NAALADL2: variants seen among roughly 807,000 people sequenced by gnomAD.
NAALADL2 encodes N-acetylated alpha-linked acidic dipeptidase like 2, also known as inactive N-acetylated-alpha-linked acidic dipeptidase-like protein 2.
A neutral mutation model predicts 87.2 loss-of-function variants in NAALADL2; 76 were observed. The observed-to-expected ratio is 0.87, with a 90% confidence interval of 0.72 to 1.05. The LOEUF (loss-of-function observed/expected upper bound fraction) is 1.05, where lower values mean the gene tolerates loss of function less well. NAALADL2 is among the 50% of genes least tolerant of loss of function. The probability of loss-of-function intolerance (pLI) is 0.00; values close to 1 mark genes in which losing one functional copy is unlikely to be tolerated. For missense variants in NAALADL2, 1,089 were observed against 945.8 expected (o/e 1.15, Z -1.99); for synonymous variants, 354 against 331.0 (o/e 1.07, Z -0.75).
rs796328227 is a variant in NAALADL2, at chr3:175,700,479, G to A, written c.1897-36827G>A. 2.8e-3 allele frequency among the ~76,000 whole-genome samples: 427 copies of A among 152,244 alleles called. 2 individuals carry two copies. The highest frequency in any genetic ancestry group is 9.8e-3 in the African/African-American group (406 of 41,552). ...CAAAGCTGTTCTGACAAAGGTAACT[G>A]CCTTTTCTGAAATGGAAGAATCTGA... On this transcript the variant is annotated intron_variant, in intron 11 of 13. Transcript: ENST00000454872.
At chr3:175,336,675 G>A (rs776861102) in intron 5 of NAALADL2, among the ~76,000 whole-genome samples, 8 of 152,180 alleles carry the variant, frequency 5.3e-5, no homozygotes, top group Non-Finnish European at 7.3e-5. Flanking sequence ...AACAATTGAA[G>A]TTGTAATTAG....
chr3:175,789,123 TAAATTAACTG>T (rs1752472931), intron 13 of NAALADL2, among the ~76,000 whole-genome samples: 1 of 152,236 alleles, frequency 6.6e-6, no homozygotes, highest in South Asian at 2.1e-4. Flanking sequence ...CACTCGCATT[TAAATTAACTG>T]AAAACTCAAC....
chr3:174,806,350 G>A (rs1719487930), intron 3 of NAALADL2, among the ~76,000 whole-genome samples: 1 of 152,166 alleles, frequency 6.6e-6, no homozygotes, highest in Non-Finnish European at 1.5e-5. Flanking sequence ...GTCCTCAGTT[G>A]GGCCAAGAAG....
chr3:175,590,991 C>A (rs577290650), intron 10 of NAALADL2, among the ~76,000 whole-genome samples: 11 of 150,374 alleles, frequency 7.3e-5, no homozygotes, highest in African/African-American at 2.7e-4. Flanking sequence ...GCCACCCCTT[C>A]AAAATAGCTT....
chr3:175,795,323 GATTTA>G (rs1753324560), intron 13 of NAALADL2, among the ~76,000 whole-genome samples: 1 of 152,110 alleles, frequency 6.6e-6, no homozygotes, highest in African/African-American at 2.4e-5. Flanking sequence ...TGTTTGGCAT[GATTTA>G]CTAATGATAT....
chr3:175,364,130 A>G (rs1765311684), intron 5 of NAALADL2, among the ~76,000 whole-genome samples: 1 of 147,982 alleles, frequency 6.8e-6, no homozygotes, highest in South Asian at 2.2e-4. Flanking sequence ...AATAAAGAAA[A>G]GAGTGATAAA....
In NAALADL2 at chr3:175,351,694, C is replaced by T. The variant is rs189582251; in HGVS notation, c.1090+27369C>T. 4.0e-5 allele frequency among the ~76,000 whole-genome samples: 6 copies of T among 151,872 alleles called. No homozygotes were observed. In the South Asian group the frequency reaches 1.2e-3, roughly 32 times the overall value. On this transcript the variant is annotated intron_variant, in intron 5 of 13. Coordinates refer to ENST00000454872, the MANE Select transcript of NAALADL2 (RefSeq NM_207015.3). ...TCAGTAGGTCACAACCAGCGAATTG[C>T]GATATCTTCAGGGTATTAATGAATC...
chr3:174,571,680 A>G (rs965261587), intron 2 of NAALADL2, among the ~76,000 whole-genome samples: 5 of 152,090 alleles, frequency 3.3e-5, no homozygotes, highest in Non-Finnish European at 5.9e-5. Flanking sequence ...CTACTGACCC[A>G]TATCTTTAAT....
Position 174,698,756 on chromosome 3 carries a change from T to C in NAALADL2, c.-114-38885T>C, listed in dbSNP as rs1276080572. Among the ~76,000 whole-genome samples, 7 of 132,414 alleles carry C rather than the reference T, an allele frequency of 5.3e-5. 1 individual carries two copies. Among genetic ancestry groups the C allele is most frequent in the African/African-American group, 6.6e-5 (2 of 30,102 alleles). 86.9% of individuals were successfully genotyped at this position (132,414 alleles called of 152,430 possible). On this transcript the variant is annotated intron_variant, in intron 2 of 3. Transcript: ENST00000434257. ...GCGGGCGCCTTTAGTCCCAGCTACT[T>C]GGGAGGCTGAGGCAGGAGAATGGCG... is the stretch of plus-strand genomic sequence containing the variant.
chr3:174,628,023 C>T (rs1721742161), intron 2 of NAALADL2, among the ~76,000 whole-genome samples: 1 of 152,038 alleles, frequency 6.6e-6, no homozygotes, highest in Non-Finnish European at 1.5e-5. Context: ...GCACTGAAAG[C>T]CCAGACTTCA....
At chr3:175,668,523 A>C (rs1733519793) in intron 11 of NAALADL2, among the ~76,000 whole-genome samples, 1 of 152,140 alleles carries the variant, frequency 6.6e-6, no homozygotes, top group Non-Finnish European at 1.5e-5. Flanking sequence ...CCACAGAATG[A>C]GTAACAGCAA....
At chr3:175,548,665 T>A (rs1158509193) in intron 9 of NAALADL2, among the ~76,000 whole-genome samples, 2 of 152,054 alleles carry the variant, frequency 1.3e-5, no homozygotes, top group Non-Finnish European at 2.9e-5. Flanking sequence ...CTGCTAAGAC[T>A]GCCTTTATCC....
At chr3:175,152,093 A>G (rs1048077300) in intron 2 of NAALADL2, among the ~76,000 whole-genome samples, 1 of 152,118 alleles carries the variant, frequency 6.6e-6, no homozygotes, top group Non-Finnish European at 1.5e-5. Context: ...TATAAGTTGG[A>G]TCGTCATTGA....
intron 1 of NAALADL2, among the ~76,000 whole-genome samples, chr3:174,473,231 G>A (rs1717013641): frequency 1.3e-5 from 2 of 152,024 alleles, no homozygotes; most frequent in South Asian, 2.1e-4. Flanking sequence ...TGCCAACCTG[G>A]ATCAATAGAC....
At chr3:175,183,270 T>A (rs1736861115) in intron 2 of NAALADL2, among the ~76,000 whole-genome samples, 1 of 151,876 alleles carries the variant, frequency 6.6e-6, no homozygotes, top group Non-Finnish European at 1.5e-5. Flanking sequence ...GTAATTATTG[T>A]AAATGGAAAT....
intron 3 of NAALADL2, among the ~76,000 whole-genome samples, chr3:174,793,854 A>G (rs1278166607): frequency 1.3e-5 from 2 of 151,396 alleles, no homozygotes; most frequent in African/African-American, 4.9e-5. Flanking sequence ...CACTAACTGC[A>G]TGCTTTTATA....
rs112884140 is a variant in NAALADL2, at chr3:175,699,700, C to G, written c.1897-37606C>G. ...AAAAATTAAGTACAGAATTAGAACA[C>G]ACATACAAATCAGTATATTTATTGA... is the stretch of plus-strand genomic sequence containing the variant. On this transcript the variant is annotated intron_variant, in intron 11 of 13. Coordinates refer to ENST00000454872, the MANE Select transcript of NAALADL2 (RefSeq NM_207015.3). Among the ~76,000 whole-genome samples, 808 of 152,080 alleles carry G rather than the reference C, an allele frequency of 5.3e-3. 4 individuals carry two copies. The highest frequency in any genetic ancestry group is 0.024 in the South Asian group (115 of 4,818).
intron 2 of NAALADL2, among the ~76,000 whole-genome samples, chr3:174,641,035 A>AG (rs1723129806): frequency 6.6e-6 from 1 of 152,142 alleles, no homozygotes; most frequent in Admixed American, 6.5e-5. Flanking sequence ...AGGCAAACCC[A>AG]GGGGCTGGTG....
intron 9 of NAALADL2, among the ~76,000 whole-genome samples, chr3:175,523,636 G>A (rs1732981711): frequency 6.6e-6 from 1 of 152,204 alleles, no homozygotes; most frequent in Non-Finnish European, 1.5e-5. Flanking sequence ...CTTGGACAAG[G>A]GAGGGAAAGG....
Sources: allele counts gnomAD v4.1 joint callset (sites outside exome capture counted in the v4.1 genomes callset), GRCh38; gene constraint gnomAD v4.1.1; transcripts MANE v1.5; gene names NCBI Gene and HGNC (gene_info 2026-07-23, HGNC 2026-07-21).